The following CACNA1A variants were observed in gnomAD, a reference collection of about 807,000 sequenced individuals.
CACNA1A encodes voltage-dependent P/Q-type calcium channel subunit alpha-1A.
A neutral mutation model predicts 262.4 loss-of-function variants in CACNA1A; 57 were observed. The observed-to-expected ratio is 0.22, with a 90% CI of 0.18 to 0.27. CACNA1A has a LOEUF of 0.27. CACNA1A is among the 10% of genes least tolerant of loss of function. CACNA1A has a pLI of 1.00. For missense variants in CACNA1A, 2,526 were observed against 3,562.8 expected (o/e 0.71, Z 7.41); for synonymous variants, 1,431 against 1,419.3 (o/e 1.01, Z -0.18).
intron 1 of CACNA1A, among the ~76,000 whole-genome samples, chr19:13,483,845 G>A (rs918521841): frequency 2.6e-5 from 4 of 152,230 alleles, no homozygotes; most frequent in Non-Finnish European, 5.9e-5. Context: ...TCCAAGTAAA[G>A]GGAACTAAGG....
intron 3 of CACNA1A, among the ~76,000 whole-genome samples, chr19:13,411,854 G>C (rs2060116061): frequency 6.6e-6 from 1 of 152,032 alleles, no homozygotes; most frequent in South Asian, 2.1e-4. Context: ...TGGGATTACA[G>C]GGACACATCA....
At chr19:13,350,370 G>C (rs2145208661) in intron 6 of CACNA1A, among the ~76,000 whole-genome samples, 1 of 152,268 alleles carries the variant, frequency 6.6e-6, no homozygotes, top group East Asian at 1.9e-4. Flanking sequence ...GAAGGCACTG[G>C]CAAGATTCTC....
At chr19:13,497,506 AAAAAAAAAAAAAAAAATATATATAT>A (rs1981716023) in intron 1 of CACNA1A, among the ~76,000 whole-genome samples, 1 of 41,650 alleles carries the variant, frequency 2.4e-5, no homozygotes, top group Non-Finnish European at 4.2e-5. Context: ...AAAAAAAAAA[AAAAAAAAAAAAAAAAATATATATAT>A]ATATATATAT....
At chr19:13,464,924 C>G (rs2061204869) in intron 1 of CACNA1A, among the ~76,000 whole-genome samples, 1 of 151,034 alleles carries the variant, frequency 6.6e-6, no homozygotes, top group African/African-American at 2.4e-5. Flanking sequence ...CTTTTCTTTT[C>G]TCTTCTCTTC....
At chr19:13,247,858 G>A (rs12611099) in intron 30 of CACNA1A, among the ~76,000 whole-genome samples, 18,171 of 152,090 alleles carry the variant, frequency 0.12, 1,498 homozygotes, top group East Asian at 0.42. Flanking sequence ...TCTCTCTGTG[G>A]CTGCACAAGT....
chr19:13,346,611 ATTGATTATATATATATATATAT>A (rs2058767138), intron 6 of CACNA1A, among the ~76,000 whole-genome samples: 1 of 92,070 alleles, frequency 1.1e-5, no homozygotes, highest in Admixed American at 1.3e-4. Context: ...AAAATTTTTA[ATTGATTATATATATATATATAT>A]ATATATATAT....
intron 1 of CACNA1A, among the ~76,000 whole-genome samples, chr19:13,498,381 G>A (rs1161202941): frequency 6.6e-6 from 1 of 151,990 alleles, no homozygotes; most frequent in Non-Finnish European, 1.5e-5. Flanking sequence ...CCTAAAATGA[G>A]AACAGAACTT....
intron 12 of CACNA1A, 87 bp downstream of exon 12, chr19:13,312,582 T>C (rs2058055796): frequency 3.9e-6 from 3 of 770,334 alleles, no homozygotes; most frequent in Non-Finnish European, 6.4e-6. Context: ...CAGGGGTGAC[T>C]TTACCTTTCT....
intron 19 of CACNA1A, among the ~76,000 whole-genome samples, chr19:13,287,524 T>C (rs8105045): frequency 0.091 from 13,734 of 151,702 alleles, 1,100 homozygotes; most frequent in African/African-American, 0.21. Context: ...ATTTCTTTTC[T>C]TTCTTTCTTT....
chr19:13,211,913 G>C, intron 43 of CACNA1A, 190 bp downstream of exon 43: 6 of 573,154 alleles, frequency 1.0e-5, no homozygotes, highest in Non-Finnish European at 9.4e-6. Flanking sequence ...TGAGGGAGGA[G>C]GGTCTGCAGG....
At chr19:13,401,383 GTTGT>G (rs1568609308) in intron 3 of CACNA1A, among the ~76,000 whole-genome samples, 1 of 152,200 alleles carries the variant, frequency 6.6e-6, no homozygotes, top group Non-Finnish European at 1.5e-5. Context: ...CCACTGAGTA[GTTGT>G]TTGCATTAGG....
At chr19:13,228,341 G>C (rs1046940462) in intron 36 of CACNA1A, among the ~76,000 whole-genome samples, 1 of 151,806 alleles carries the variant, frequency 6.6e-6, no homozygotes, top group Non-Finnish European at 1.5e-5. Flanking sequence ...GTGAGGGGTG[G>C]AGGGGGAGAG....
intron 34 of CACNA1A, among the ~76,000 whole-genome samples, chr19:13,232,771 G>A (rs1255728593): frequency 1.3e-5 from 2 of 148,888 alleles, no homozygotes; most frequent in Non-Finnish European, 3.0e-5. Context: ...CCTTCAGGCC[G>A]GGTGCAGTGG....
intron 1 of CACNA1A, among the ~76,000 whole-genome samples, chr19:13,457,887 T>C (rs922722994): frequency 1.3e-5 from 2 of 148,422 alleles, no homozygotes; most frequent in Non-Finnish European, 3.0e-5. Context: ...GAAGTACTGA[T>C]ACATGATAGA....
At chr19:13,458,091 A>G (rs2061048267) in intron 1 of CACNA1A, among the ~76,000 whole-genome samples, 1 of 152,206 alleles carries the variant, frequency 6.6e-6, no homozygotes, top group South Asian at 2.1e-4. Flanking sequence ...TGAAGGTGAC[A>G]GTTACACAAC....
chr19:13,217,173 G>C (rs2055042997), intron 38 of CACNA1A, among the ~76,000 whole-genome samples: 1 of 151,976 alleles, frequency 6.6e-6, no homozygotes, highest in Non-Finnish European at 1.5e-5. Flanking sequence ...AACCAAAATA[G>C]AGATTCTTCT....
intron 1 of CACNA1A, among the ~76,000 whole-genome samples, chr19:13,498,061 T>C (rs560330222): frequency 1.0e-3 from 159 of 152,060 alleles, no homozygotes; most frequent in Non-Finnish European, 2.0e-3. Context: ...CGCCACAACA[T>C]GCCACGAACA....
At chr19:13,488,529 G>A (rs1980335316) in intron 1 of CACNA1A, among the ~76,000 whole-genome samples, 1 of 149,596 alleles carries the variant, frequency 6.7e-6, no homozygotes, top group Non-Finnish European at 1.5e-5. Flanking sequence ...CTCCCAAGTA[G>A]CTGGGACTAC....
In CACNA1A at chr19:13,237,950, G is replaced by A. The variant is rs541802508; in HGVS notation, c.4951-2220C>T. On this transcript the variant is annotated intron_variant, in intron 31 of 46. Transcript: ENST00000360228. ...CGGACCCTGGAAGCAGCCTCAGGAGGGGGGTTTGGAGGAGAGCAGGGGAAG... is the reference window on the plus strand; with the variant it reads ...CGGACCCTGGAAGCAGCCTCAGGAGAGGGGTTTGGAGGAGAGCAGGGGAAG... 3.3e-5 allele frequency among the ~76,000 whole-genome samples: 5 copies of A among 152,320 alleles called. No homozygotes were observed. In the South Asian group the frequency reaches 6.2e-4, roughly 19 times the overall value.
Sources: allele counts gnomAD v4.1 joint callset (sites outside exome capture counted in the v4.1 genomes callset), GRCh38; gene constraint gnomAD v4.1.1; transcripts MANE v1.5; gene names NCBI Gene and HGNC (gene_info 2026-07-23, HGNC 2026-07-21).